Variants in BABAM2 observed in about 807,000 individuals in gnomAD.
BABAM2 encodes the protein BRISC and BRCA1-A complex member 2.
Under a neutral mutation model 54.7 loss-of-function variants are expected in BABAM2, and 31 were observed. The observed-to-expected ratio is 0.57, with a 90% CI of 0.43 to 0.77. BABAM2 has a LOEUF of 0.77. BABAM2 is among the 30% of genes least tolerant of loss of function. The pLI, the probability that BABAM2 is intolerant of heterozygous loss-of-function variation, is 0.00. For synonymous variants in BABAM2, 167 were observed against 162.9 expected (o/e 1.03, Z -0.19); for missense variants, 364 against 455.8 (o/e 0.80, Z 1.83).
chr2:28,316,501 C>G (rs973699883), intron 11 of BABAM2, among the ~76,000 whole-genome samples: 5 of 151,922 alleles, frequency 3.3e-5, no homozygotes, highest in African/African-American at 1.2e-4. Flanking sequence ...CCTCAGCCCC[C>G]TCTGTCTGGG....
At chr2:28,130,475 C>T (rs913956137) in intron 7 of BABAM2, among the ~76,000 whole-genome samples, 6 of 152,098 alleles carry the variant, frequency 3.9e-5, no homozygotes, top group African/African-American at 1.4e-4. Flanking sequence ...TGTTTTGAGA[C>T]AGCGTCTCAC....
At chr2:27,998,161 A>G (rs10193906) in intron 4 of BABAM2, among the ~76,000 whole-genome samples, 1,863 of 152,118 alleles carry the variant, frequency 0.012, 40 homozygotes, top group African/African-American at 0.042. Context: ...TCAAGAAAAA[A>G]AAATGCTTAT....
chr2:27,934,607 G>A (rs1039392067), intron 3 of BABAM2, among the ~76,000 whole-genome samples: 3 of 152,226 alleles, frequency 2.0e-5, no homozygotes, highest in Non-Finnish European at 2.9e-5. Flanking sequence ...GCTGAGACAG[G>A]CTGAAAGCTA....
intron 5 of BABAM2, among the ~76,000 whole-genome samples, chr2:28,026,949 A>AAT (rs1270629453): frequency 6.1e-4 from 2 of 3,264 alleles, no homozygotes; most frequent in African/African-American, 7.0e-4. Flanking sequence ...AATATATATT[A>AAT]ATATATATAA....
At chr2:28,000,681 G>A (rs1009992177) in intron 4 of BABAM2, among the ~76,000 whole-genome samples, 2 of 152,090 alleles carry the variant, frequency 1.3e-5, no homozygotes, top group Admixed American at 6.5e-5. Context: ...TGGAAGATTT[G>A]TCTATTCTCT....
intron 10 of BABAM2, among the ~76,000 whole-genome samples, chr2:28,256,757 C>T (rs138717814): frequency 0.017 from 2,520 of 145,122 alleles, 39 homozygotes; most frequent in Middle Eastern, 0.098. Flanking sequence ...TGCAATGGCA[C>T]GATCTCAGCT....
At chr2:27,965,661 A>G (rs552354555) in intron 3 of BABAM2, among the ~76,000 whole-genome samples, 113 of 152,240 alleles carry the variant, frequency 7.4e-4, no homozygotes, top group African/African-American at 2.5e-3. Context: ...ATATATATAC[A>G]CACACGTATA....
chr2:28,089,887 TGG>T (rs1399523299), intron 6 of BABAM2, among the ~76,000 whole-genome samples: 1 of 27,700 alleles, frequency 3.6e-5, no homozygotes, highest in African/African-American at 6.0e-5. Flanking sequence ...TTAAACTCTG[TGG>T]TATTTTTTTT....
chr2:27,905,063 A>C (rs1666093655), intron 2 of BABAM2, among the ~76,000 whole-genome samples: 1 of 152,250 alleles, frequency 6.6e-6, no homozygotes. Flanking sequence ...GTTTATTGGC[A>C]TATATGAAAG....
At chr2:27,985,057 ATGTGTGTGTGTGTG>A (rs35552031) in intron 3 of BABAM2, among the ~76,000 whole-genome samples, 15 of 137,510 alleles carry the variant, frequency 1.1e-4, no homozygotes, top group East Asian at 6.5e-4. Context: ...GTATTCCATG[ATGTGTGTGTGTGTG>A]TGTGTGTGTG....
At chr2:28,121,994 C>T (rs935601996) in intron 6 of BABAM2, among the ~76,000 whole-genome samples, 1 of 152,072 alleles carries the variant, frequency 6.6e-6, no homozygotes, top group African/African-American at 2.4e-5. Context: ...GTGGGTGGAT[C>T]ATGAGGTCAG....
At chr2:28,158,530 A>G (rs928471293) in intron 7 of BABAM2, among the ~76,000 whole-genome samples, 3 of 152,226 alleles carry the variant, frequency 2.0e-5, no homozygotes, top group Non-Finnish European at 4.4e-5. Context: ...CACCATGCTA[A>G]ATCTCAGTAC....
upstream of BABAM2, among the ~76,000 whole-genome samples, chr2:27,889,475 T>C (rs1485440432): frequency 6.6e-6 from 1 of 152,200 alleles, no homozygotes; most frequent in Non-Finnish European, 1.5e-5. Context: ...CTGAATTTAT[T>C]ACTAATTTTA....
rs189251391 is a variant in BABAM2 at position 28,024,661 on chromosome 2, A to T, written c.301-565A>T. ...TGACGGATGAACTGTGGTTATTCAGATTTGCGCATTTGGCAGACATTTTCC... is the reference window on the plus strand; with the variant it reads ...TGACGGATGAACTGTGGTTATTCAGTTTTGCGCATTTGGCAGACATTTTCC... On this transcript the variant is annotated intron_variant, in intron 4 of 11. Coordinates refer to ENST00000379624, the MANE Select transcript of BABAM2 (RefSeq NM_199191.3). 1.2e-3 allele frequency among the ~76,000 whole-genome samples: 176 copies of T among 152,100 alleles called. 1 individual carries two copies. In the Middle Eastern group the frequency reaches 0.041, roughly 35 times the overall value.
In BABAM2 at chr2:28,205,271, G is replaced by T. The variant is rs1678718190; in HGVS notation, c.681-31931G>T. On this transcript the variant is annotated intron_variant, in intron 7 of 11. Transcript: ENST00000379624. Reference sequence around the variant, plus strand: ...AATCCCAGCACTTTGGGAGGCTGAGGTGGGTGGATCATGAGGTAAAGAGAT... The same window carrying T: ...AATCCCAGCACTTTGGGAGGCTGAGTTGGGTGGATCATGAGGTAAAGAGAT... Among the ~76,000 whole-genome samples, 4 of 152,234 alleles carry T rather than the reference G, an allele frequency of 2.6e-5. No homozygotes were observed. In the South Asian group the frequency reaches 8.3e-4, roughly 32 times the overall value.
At chr2:28,120,180 A>C (rs1034330639) in intron 6 of BABAM2, among the ~76,000 whole-genome samples, 2 of 152,252 alleles carry the variant, frequency 1.3e-5, no homozygotes, top group African/African-American at 4.8e-5. Flanking sequence ...ATTAAAACAC[A>C]TAAAGCATAT....
intron 7 of BABAM2, among the ~76,000 whole-genome samples, chr2:28,180,217 T>C (rs940359141): frequency 3.9e-5 from 6 of 152,012 alleles, no homozygotes; most frequent in African/African-American, 1.4e-4. Flanking sequence ...CTGCAAAATA[T>C]ATTACAAGAC....
At chr2:28,334,551 G>A (rs1280936915) in intron 11 of BABAM2, among the ~76,000 whole-genome samples, 1 of 152,244 alleles carries the variant, frequency 6.6e-6, no homozygotes, top group African/African-American at 2.4e-5. Context: ...AGTGGTACTG[G>A]GATGGGCCAG....
At position 28,098,726 on chromosome 2, in the gene BABAM2, A is replaced by G. The variant is rs1646486869; in HGVS notation, c.571-30545A>G. Among the ~76,000 whole-genome samples, 3 of 152,346 alleles carry G rather than the reference A, an allele frequency of 2.0e-5. No homozygotes were observed. In the South Asian group the frequency reaches 6.2e-4, roughly 32 times the overall value. On this transcript the variant is annotated intron_variant, in intron 6 of 11. Coordinates refer to ENST00000379624, the MANE Select transcript of BABAM2 (RefSeq NM_199191.3). ...ATGGATCCCAAGTGAGCAATATTGG[A>G]CTTGTTGGAATGTGTTCACATATGT...
Sources: gnomAD v4.1 joint callset for allele counts (sites outside exome capture counted in the v4.1 genomes callset) on GRCh38, gnomAD v4.1.1 for gene constraint, MANE v1.5 for transcripts, NCBI Gene and HGNC (gene_info 2026-07-23, HGNC 2026-07-21) for gene names.